The following KAT6A variants were observed in gnomAD, a reference collection of about 807,000 sequenced individuals.
KAT6A encodes histone acetyltransferase KAT6A.
In KAT6A, 9 loss-of-function variants were observed where a neutral mutation model predicts 198.4. The ratio of observed to expected loss-of-function variants is 0.05; its 90% CI spans 0.03 to 0.08. The LOEUF is 0.08. KAT6A is among the 10% of genes least tolerant of loss of function. The pLI is 1.00. For synonymous variants in KAT6A, 890 were observed against 883.0 expected (o/e 1.01, Z -0.14); for missense variants, 2,077 against 2,509.9 (o/e 0.83, Z 3.69).
chr8:41,969,766 G>A (rs1823684491), intron 8 of KAT6A, among the ~76,000 whole-genome samples: 1 of 151,040 alleles, frequency 6.6e-6, no homozygotes, highest in African/African-American at 2.5e-5. Context: ...TATTTCCCCA[G>A]CTTCACCTTA....
rs1341441932 is a variant in KAT6A at position 41,930,609 on chromosome 8, T to G, written c.*1596A>C. ...TTCTCTAAGCAGTACTTCCCCCTTT[T>G]GGATATTTGACTGCACATACCAAGT... On this transcript the variant is annotated 3_prime_UTR_variant, in exon 17 of 17. Transcript: ENST00000265713. 1.1e-5 allele frequency: 2 copies of G among 182,288 alleles called. No individual in the cohort carries two copies. Among genetic ancestry groups the G allele is most frequent in the African/African-American group, 4.8e-5 (2 of 42,026 alleles). The allele number at this position is 182,288 out of a possible 1,614,324, so 11.3% of individuals were successfully genotyped here. A position where few individuals can be genotyped will look rare whatever the true frequency, so the allele number is the denominator to read the frequency against.
chr8:41,982,409 T>C (rs1339633845), intron 3 of KAT6A, among the ~76,000 whole-genome samples: 3 of 152,206 alleles, frequency 2.0e-5, no homozygotes, highest in South Asian at 2.1e-4. Context: ...TTATACCCTT[T>C]TGTGCTGTCA....
chr8:42,050,896 G>GA (rs1319764352), intron 1 of KAT6A, among the ~76,000 whole-genome samples: 2 of 152,120 alleles, frequency 1.3e-5, no homozygotes, highest in Non-Finnish European at 2.9e-5. Context: ...TTAACTCCCG[G>GA]AAAGTACACG....
In KAT6A at chr8:41,929,933, T is replaced by C. The variant is rs1243931262; in HGVS notation, c.*2272A>G. The C allele has an allele frequency of 4.6e-6, 1 of 217,484 alleles. No homozygotes were observed. The highest frequency in any genetic ancestry group is 2.2e-5 in the African/African-American group (1 of 44,484). 13.5% of individuals were successfully genotyped at this position (217,484 alleles called of 1,614,324 possible). On this transcript the variant is annotated 3_prime_UTR_variant, in exon 17 of 17. Coordinates refer to ENST00000265713, the MANE Select transcript of KAT6A (RefSeq NM_006766.5). ...GTCACTAACAGTGAGTTTTTAAATT[T>C]CTTTTTTAGAAGATTACCCAAGTTA... is the stretch of plus-strand genomic sequence containing the variant.
chr8:41,940,837 G>A lies in KAT6A; in HGVS notation c.3039+5C>T, dbSNP rs200182664. 19 of 1,601,906 alleles carry A rather than the reference G, an allele frequency of 1.2e-5. No homozygotes were observed. The highest frequency in any genetic ancestry group is 2.2e-5 in the East Asian group (1 of 44,762). On this transcript the variant is annotated splice_donor_5th_base_variant and intron_variant, in intron 15 of 16. Coordinates refer to ENST00000265713, the MANE Select transcript of KAT6A (RefSeq NM_006766.5). The stretch of plus-strand genomic sequence containing the variant: ...GAAGAGAAGACCTGGAAAGAAATGC[G>A]TTACCTTTCGCTTCAGCGTGGGCTT...
At chr8:42,005,776 A>G (rs958823797) in intron 2 of KAT6A, among the ~76,000 whole-genome samples, 5 of 132,070 alleles carry the variant, frequency 3.8e-5, no homozygotes, top group Middle Eastern at 3.8e-3. Context: ...ACACACACAC[A>G]CACACACACA....
intron 7 of KAT6A, 105 bp downstream of exon 7, chr8:41,976,903 C>T (rs1824080912): frequency 1.1e-5 from 10 of 949,652 alleles, no homozygotes; most frequent in Non-Finnish European, 1.5e-5. Context: ...ATTCTATAAC[C>T]AATTGTTAAT....
intron 2 of KAT6A, among the ~76,000 whole-genome samples, chr8:42,037,676 T>C (rs1564081483): frequency 6.9e-6 from 1 of 144,280 alleles, no homozygotes; most frequent in Non-Finnish European, 1.5e-5. Flanking sequence ...ACTATCTTCT[T>C]TAACACATTG....
intron 3 of KAT6A, among the ~76,000 whole-genome samples, chr8:41,985,102 C>T (rs1824542141): frequency 1.3e-5 from 2 of 152,048 alleles, no homozygotes; most frequent in Admixed American, 1.3e-4. Context: ...GCTGCAGACA[C>T]AACACTTCCT....
At chr8:42,051,140 C>T (rs1328912508) in intron 1 of KAT6A, among the ~76,000 whole-genome samples, 1 of 152,164 alleles carries the variant, frequency 6.6e-6, no homozygotes, top group African/African-American at 2.4e-5. Flanking sequence ...TGCATAGCCC[C>T]GGCCCAGCTC....
chr8:42,048,564 A>G lies in KAT6A; in HGVS notation c.414T>C (p.Ser138=). The change falls in exon 2 of 17, where the codon AGT becomes AGC. Residue 138 remains serine, a synonymous_variant. Coordinates refer to ENST00000265713, the MANE Select transcript of KAT6A (RefSeq NM_006766.5). ...ACTGCTGGTGAAAGCCAGAGGCAGC[A>G]CTGCCTCCGAATAATGCAGACACAT... ...QKDVSALFGG[S]AASGFHQQLR... 4.3e-6 allele frequency: 7 copies of G among 1,614,104 alleles called. No homozygotes were observed. Among genetic ancestry groups the G allele is most frequent in the Non-Finnish European group, 5.9e-6 (7 of 1,179,916 alleles).
At chr8:41,948,043 T>C in intron 10 of KAT6A, 131 bp from the exon 11 acceptor site, 1 of 621,070 alleles carries the variant, frequency 1.6e-6, no homozygotes, top group South Asian at 3.2e-5. Flanking sequence ...CAGAACACTT[T>C]GGAACCTGGA....
intron 15 of KAT6A, among the ~76,000 whole-genome samples, chr8:41,939,922 A>G (rs1409854770): frequency 1.3e-5 from 2 of 152,248 alleles, no homozygotes; most frequent in Non-Finnish European, 2.9e-5. Flanking sequence ...CAAGGGATTA[A>G]TAATAGAGGA....
At chr8:42,016,495 G>A (rs1056789509) in intron 2 of KAT6A, among the ~76,000 whole-genome samples, 1 of 151,978 alleles carries the variant, frequency 6.6e-6, no homozygotes, top group Non-Finnish European at 1.5e-5. Flanking sequence ...AATCATATTT[G>A]AAAAACCATC....
chr8:41,933,479 T>G lies in KAT6A; in HGVS notation c.4741A>C (p.Ser1581Arg). The change falls in exon 17 of 17, where the codon AGC (serine) becomes CGC (arginine). Residue 1581 changes from serine to arginine, a missense_variant. Physicochemically the swap from Ser to Arg is moderately radical, Grantham distance 110. Around this residue, in one of 13 missense-constraint regions of KAT6A, gnomAD observed 500 missense variants for 577.2 expected, o/e 0.87. Transcript: ENST00000265713. This position sits in a 1 kb window ranked among gnomAD's most constrained non-coding sequence, Gnocchi z 6.2. Reference protein sequence around the residue: ...STMGGSICGNSSSQSSCSYGG... With the variant: ...STMGGSICGNRSSQSSCSYGG... ...TAGGAGCAGCTGCTCTGGGAAGAGC[T>G]GTTCCCACAGATGCTGCCGCCCATC... 1 of 1,613,562 alleles carries G rather than the reference T, an allele frequency of 6.2e-7. No homozygotes were observed.
chr8:41,971,456 G>C (rs1179736139), intron 8 of KAT6A, among the ~76,000 whole-genome samples: 5 of 152,090 alleles, frequency 3.3e-5, no homozygotes, highest in Non-Finnish European at 5.9e-5. Context: ...ATCGAGGCAA[G>C]GTGCAGCGAC....
intron 2 of KAT6A, among the ~76,000 whole-genome samples, chr8:41,995,968 G>A (rs1229541437): frequency 1.3e-5 from 2 of 152,014 alleles, no homozygotes; most frequent in Admixed American, 6.6e-5. Flanking sequence ...GAGCCACCAC[G>A]CCCGGTCCCA....
At chr8:41,987,311 T>A (rs1824664009) in intron 3 of KAT6A, 144 bp downstream of exon 3, 3 of 608,552 alleles carry the variant, frequency 4.9e-6, no homozygotes, top group Admixed American at 2.9e-5. Context: ...TCTAAAGACA[T>A]GTTTCTCAGA....
chr8:42,037,049 G>A (rs541490292), intron 2 of KAT6A, among the ~76,000 whole-genome samples: 3 of 152,056 alleles, frequency 2.0e-5, no homozygotes, highest in Admixed American at 6.5e-5. Flanking sequence ...CTAAGCATTA[G>A]AGCAATGGTT....
Sources: allele counts gnomAD v4.1 joint callset (sites outside exome capture counted in the v4.1 genomes callset), GRCh38; gene constraint gnomAD v4.1.1; regional missense constraint gnomAD v4.1.1; non-coding constraint Gnocchi (gnomAD v3.1); transcripts MANE v1.5; gene names NCBI Gene and HGNC (gene_info 2026-07-23, HGNC 2026-07-21).